Variants in SDK1 observed in about 807,000 individuals in gnomAD.
The protein encoded by SDK1 is sidekick cell adhesion molecule 1.
SDK1 carries 157 observed loss-of-function variants against 245.5 expected under a neutral mutation model. The observed-to-expected ratio is 0.64, with a 90% CI of 0.56 to 0.73. The LOEUF (loss-of-function observed/expected upper bound fraction) is 0.73, where lower values mean the gene tolerates loss of function less well. SDK1 is among the 30% of genes least tolerant of loss of function. The probability of loss-of-function intolerance (pLI) is 0.00; values close to 1 mark genes in which losing one functional copy is unlikely to be tolerated. For synonymous variants in SDK1, 1,647 were observed against 1,278.5 expected, an observed-to-expected ratio of 1.29 and a Z score of -6.15; for missense variants, 3,583 against 3,002.3, an observed-to-expected ratio of 1.19 and a Z score of -4.52.
At chr7:4,030,991 CAGT>C (rs1171576999) in intron 17 of SDK1, among the ~76,000 whole-genome samples, 3 of 152,162 alleles carry the variant, frequency 2.0e-5, no homozygotes, top group African/African-American at 7.2e-5. Flanking sequence ...GGTTTCATAA[CAGT>C]AGGCCCCCAT....
chr7:3,495,898 C>T (rs573577155), intron 1 of SDK1, among the ~76,000 whole-genome samples: 4 of 152,286 alleles, frequency 2.6e-5, no homozygotes, highest in South Asian at 2.1e-4. Context: ...CGTATTCTAA[C>T]GAAGATCTGT....
intron 4 of SDK1, among the ~76,000 whole-genome samples, chr7:3,800,350 TTTACTTAC>T (rs1192541356): frequency 9.9e-5 from 15 of 151,488 alleles, no homozygotes; most frequent in South Asian, 4.2e-4. Flanking sequence ...ATCGCCATCT[TTTACTTAC>T]TTACTTACTT....
chr7:3,961,990 AAC>A (rs139449814), intron 8 of SDK1, among the ~76,000 whole-genome samples: 5,880 of 151,874 alleles, frequency 0.039, 307 homozygotes, highest in African/African-American at 0.12. Context: ...TATATGCACA[AAC>A]ACACACACAT....
At chr7:3,303,945 A>G (rs1270963925) in intron 1 of SDK1, among the ~76,000 whole-genome samples, 2 of 152,204 alleles carry the variant, frequency 1.3e-5, no homozygotes, top group East Asian at 3.8e-4. Flanking sequence ...AATAGTTACC[A>G]CTACGTTGGA....
At chr7:3,821,661 C>T (rs987000109) in intron 5 of SDK1, 78 bp downstream of exon 5, 70 of 1,483,602 alleles carry the variant, frequency 4.7e-5, no homozygotes, top group African/African-American at 1.8e-4. Context: ...TCTGACAGGA[C>T]ATTTTGCAAT....
At position 3,775,471 on chromosome 7, in the gene SDK1, T is replaced by G. The variant is rs1052687134; in HGVS notation, c.714-45979T>G. Among the ~76,000 whole-genome samples the G allele has an allele frequency of 4.6e-5, 7 of 152,136 alleles. No homozygotes were observed. In the South Asian group the frequency reaches 1.5e-3, roughly 32 times the overall value. ...TTTGAAGGCTGTTTCCCAGACCAGA[T>G]GTATCTCCAGCTCTGACACATATGT... On this transcript the variant is annotated intron_variant, in intron 4 of 44. Coordinates refer to ENST00000404826, the MANE Select transcript of SDK1 (RefSeq NM_152744.4).
At chr7:3,732,070 G>T (rs567337679) in intron 4 of SDK1, among the ~76,000 whole-genome samples, 1 of 152,210 alleles carries the variant, frequency 6.6e-6, no homozygotes, top group Non-Finnish European at 1.5e-5. Flanking sequence ...GATTACAGGC[G>T]TGAGCCACCA....
At chr7:3,563,345 A>G (rs1436198856) in intron 1 of SDK1, among the ~76,000 whole-genome samples, 1 of 150,970 alleles carries the variant, frequency 6.6e-6, no homozygotes, top group African/African-American at 2.4e-5. Flanking sequence ...CGGAAAAACA[A>G]GATACAAAAA....
chr7:3,626,140 A>G (rs566850910), intron 2 of SDK1, among the ~76,000 whole-genome samples: 7 of 150,918 alleles, frequency 4.6e-5, no homozygotes, highest in African/African-American at 1.5e-4. Flanking sequence ...GGGTCTTGCT[A>G]TGTTGCCCAG....
At chr7:3,804,839 C>A (rs1331471173) in intron 4 of SDK1, among the ~76,000 whole-genome samples, 1 of 152,118 alleles carries the variant, frequency 6.6e-6, no homozygotes, top group East Asian at 1.9e-4. Flanking sequence ...TTAATTTTGG[C>A]TTTCACGTGT....
chr7:3,851,586 A>G (rs893011185), intron 5 of SDK1, among the ~76,000 whole-genome samples: 7 of 150,590 alleles, frequency 4.6e-5, no homozygotes, highest in Non-Finnish European at 8.8e-5. Context: ...AAGCTTGCCA[A>G]TCATGCCGGT....
At chr7:3,578,804 C>T (rs919447581) in intron 1 of SDK1, among the ~76,000 whole-genome samples, 3 of 151,816 alleles carry the variant, frequency 2.0e-5, no homozygotes, top group South Asian at 2.1e-4. Context: ...TCCCTAAAAT[C>T]GCTGTTATTC....
At chr7:3,367,991 A>G (rs546920588) in intron 1 of SDK1, among the ~76,000 whole-genome samples, 1 of 152,374 alleles carries the variant, frequency 6.6e-6, no homozygotes, top group East Asian at 1.9e-4. Context: ...TGAACATTGC[A>G]GAAAGACTGT....
chr7:3,823,579 A>T (rs926662317), intron 5 of SDK1, among the ~76,000 whole-genome samples: 14 of 152,110 alleles, frequency 9.2e-5, no homozygotes, highest in Admixed American at 4.6e-4. Context: ...GAATATGTAA[A>T]TTTTTTTCAG....
intron 4 of SDK1, among the ~76,000 whole-genome samples, chr7:3,816,438 C>T (rs1489877825): frequency 6.7e-6 from 1 of 149,278 alleles, no homozygotes; most frequent in Non-Finnish European, 1.5e-5. Flanking sequence ...CACAGAAATA[C>T]AAACTACCAT....
At chr7:3,943,671 C>T (rs1308570511) in intron 5 of SDK1, among the ~76,000 whole-genome samples, 1 of 151,976 alleles carries the variant, frequency 6.6e-6, no homozygotes, top group East Asian at 2.0e-4. Flanking sequence ...ACTTTATTTG[C>T]AGTGACTCCA....
In SDK1 at chr7:4,001,025, C is replaced by T. The variant is rs149073286; in HGVS notation, c.2132-9941C>T. 2.8e-3 allele frequency among the ~76,000 whole-genome samples: 421 copies of T among 152,270 alleles called. 2 individuals carry two copies. Among genetic ancestry groups the T allele is most frequent in the Non-Finnish European group, 3.5e-3 (241 of 68,012 alleles). Reference sequence around the variant, plus strand: ...CCAAGACGAGATGGGGGTCAGAGAGCCCAGGGTGGCTCCCACATCCTTGGT... The same window carrying T: ...CCAAGACGAGATGGGGGTCAGAGAGTCCAGGGTGGCTCCCACATCCTTGGT... On this transcript the variant is annotated intron_variant, in intron 14 of 44. Transcript: ENST00000404826.
chr7:4,168,709 C>G lies in SDK1; in HGVS notation c.4801-5513C>G, dbSNP rs554392947. Among the ~76,000 whole-genome samples, 168 of 152,306 alleles carry G rather than the reference C, an allele frequency of 1.1e-3. 1 individual carries two copies. The highest frequency in any genetic ancestry group is 3.8e-3 in the African/African-American group (159 of 41,574). ...TCTTCCTTCTGAGGTACCAGTTCCT[C>G]GAGCTGCTGCAGGTCTATTCTGGGG... On this transcript the variant is annotated intron_variant, in intron 32 of 44. Transcript: ENST00000404826.
At position 4,132,415 on chromosome 7, in the gene SDK1, T is replaced by G. The variant is rs1265018927; in HGVS notation, c.4220T>G (p.Ile1407Ser). The G allele has an allele frequency of 1.2e-6, 2 of 1,610,184 alleles. No homozygotes were observed. The change falls in exon 28 of 45, where the codon ATC becomes AGC. Residue 1407 changes from isoleucine (I) to serine (S), a missense_variant. Ile to Ser is a moderately radical substitution (Grantham distance 142, BLOSUM62 -2). Coordinates refer to ENST00000404826, the MANE Select transcript of SDK1 (RefSeq NM_152744.4). ...VWQPPEEPNG[I>S]ILGYQIAYRL... ...CAACCTCCGGAGGAGCCCAACGGCA[T>G]CATCCTGGGTAAGGGAGCGGCGGTG...
Sources: allele counts gnomAD v4.1 joint callset (sites outside exome capture counted in the v4.1 genomes callset), GRCh38; gene constraint gnomAD v4.1.1; transcripts MANE v1.5; gene names NCBI Gene and HGNC (gene_info 2026-07-23, HGNC 2026-07-21).